The following DSCAM variants were observed in gnomAD, a reference collection of about 807,000 sequenced individuals.
DSCAM encodes cell adhesion molecule DSCAM.
Under a neutral mutation model 217.7 loss-of-function variants are expected in DSCAM, and 47 were observed. That is an observed-to-expected ratio of 0.22 (90% confidence interval 0.17 to 0.28). DSCAM has a LOEUF of 0.28. Ranked by LOEUF, DSCAM falls within the 10% of genes least tolerant of loss-of-function variation. The probability of loss-of-function intolerance (pLI) is 1.00; values close to 1 mark genes in which losing one functional copy is unlikely to be tolerated. For missense variants in DSCAM, 2,080 were observed against 2,618.3 expected (o/e 0.79, Z 4.49); for synonymous variants, 1,056 against 1,015.3 (o/e 1.04, Z -0.76).
chr21:40,691,898 G>C (rs114934731), intron 3 of DSCAM, among the ~76,000 whole-genome samples: 2 of 152,150 alleles, frequency 1.3e-5, no homozygotes, highest in South Asian at 4.1e-4. Flanking sequence ...AAACAAAAAC[G>C]GTGTGTCACC....
intron 3 of DSCAM, among the ~76,000 whole-genome samples, chr21:40,637,605 A>AG (rs1491146786): frequency 1.2e-4 from 5 of 41,616 alleles, no homozygotes; most frequent in Admixed American, 5.3e-4. Flanking sequence ...ATATATATAT[A>AG]AATATATATA....
intron 28 of DSCAM, among the ~76,000 whole-genome samples, chr21:40,061,441 C>T (rs1027181881): frequency 1.4e-4 from 21 of 151,716 alleles, no homozygotes; most frequent in African/African-American, 4.1e-4. Context: ...TGGTGGCGGG[C>T]GCCTGTAATC....
chr21:40,180,658 C>A (rs1245784745), intron 14 of DSCAM, among the ~76,000 whole-genome samples: 3 of 152,094 alleles, frequency 2.0e-5, no homozygotes, highest in Non-Finnish European at 4.4e-5. Context: ...TGCTAAGTAG[C>A]CCCTGGAGGA....
intron 3 of DSCAM, among the ~76,000 whole-genome samples, chr21:40,637,632 A>G (rs796634577): frequency 9.5e-5 from 4 of 42,230 alleles, no homozygotes; most frequent in African/African-American, 3.8e-4. Flanking sequence ...TACATATATA[A>G]ATATATATAA....
At chr21:40,492,761 C>T (rs996501880) in intron 3 of DSCAM, among the ~76,000 whole-genome samples, 1 of 151,902 alleles carries the variant, frequency 6.6e-6, no homozygotes, top group African/African-American at 2.4e-5. Context: ...CAAATCTTTG[C>T]ATTACAGGAG....
intron 3 of DSCAM, among the ~76,000 whole-genome samples, chr21:40,551,536 C>T (rs1166047645): frequency 6.6e-6 from 1 of 152,166 alleles, no homozygotes; most frequent in Non-Finnish European, 1.5e-5. Flanking sequence ...CTCTGTTAAT[C>T]TCTTCAGGAT....
intron 32 of DSCAM, among the ~76,000 whole-genome samples, chr21:40,015,696 C>G (rs1342946908): frequency 1.3e-5 from 2 of 152,208 alleles, no homozygotes. Flanking sequence ...CTCAGCTTCT[C>G]AAAGCACTGG....
rs555621146 is a variant in DSCAM, at chr21:40,697,750, T to G, written c.362-4794A>C. Among the ~76,000 whole-genome samples, 5 of 152,368 alleles carry G rather than the reference T, an allele frequency of 3.3e-5. No individual in the cohort carries two copies. The South Asian group carries it at 1.0e-3, about 32-fold the overall frequency. Reference sequence around the variant, plus strand: ...ATGCCAGTACTACACCTGTGTTGTATTCTTTGAAATTAGACTGTGTGATAC... The same window carrying G: ...ATGCCAGTACTACACCTGTGTTGTAGTCTTTGAAATTAGACTGTGTGATAC... On this transcript the variant is annotated intron_variant, in intron 2 of 32. Transcript: ENST00000400454.
At chr21:40,164,527 G>C (rs1302908766) in intron 16 of DSCAM, among the ~76,000 whole-genome samples, 1 of 152,182 alleles carries the variant, frequency 6.6e-6, no homozygotes, top group Non-Finnish European at 1.5e-5. Flanking sequence ...GCCAGGTGTG[G>C]TAGCTCACGC....
chr21:40,139,866 ATG>A (rs902009833), intron 18 of DSCAM, among the ~76,000 whole-genome samples: 2 of 135,378 alleles, frequency 1.5e-5, no homozygotes, highest in Non-Finnish European at 3.2e-5. Flanking sequence ...GGGTGTGTGT[ATG>A]TGTGTTGTGT....
intron 3 of DSCAM, among the ~76,000 whole-genome samples, chr21:40,427,618 A>C (rs990290531): frequency 1.3e-5 from 2 of 152,216 alleles, no homozygotes; most frequent in Non-Finnish European, 2.9e-5. Context: ...CCCACTTTGC[A>C]GCACTTTATG....
chr21:40,556,473 A>G (rs1444536513), intron 3 of DSCAM, among the ~76,000 whole-genome samples: 1 of 152,220 alleles, frequency 6.6e-6, no homozygotes, highest in Admixed American at 6.5e-5. Flanking sequence ...TTGTATTGCT[A>G]TGACAGTATA....
chr21:40,638,583 CG>C (rs2089837681), intron 3 of DSCAM, among the ~76,000 whole-genome samples: 1 of 152,136 alleles, frequency 6.6e-6, no homozygotes, highest in Non-Finnish European at 1.5e-5. Context: ...TAATTCAGAT[CG>C]TTTCCTCTGC....
chr21:40,190,208 C>T (rs959180838), intron 11 of DSCAM, among the ~76,000 whole-genome samples: 1 of 152,146 alleles, frequency 6.6e-6, no homozygotes, highest in African/African-American at 2.4e-5. Context: ...AAGTCTAATA[C>T]ATAGACTTCT....
intron 4 of DSCAM, among the ~76,000 whole-genome samples, chr21:40,356,052 CTT>C (rs1433154201): frequency 1.3e-5 from 2 of 152,042 alleles, no homozygotes; most frequent in African/African-American, 2.4e-5. Flanking sequence ...TATATCAACA[CTT>C]AAGTTTTTTT....
At chr21:40,519,462 C>T (rs560408934) in intron 3 of DSCAM, among the ~76,000 whole-genome samples, 1 of 152,276 alleles carries the variant, frequency 6.6e-6, no homozygotes, top group South Asian at 2.1e-4. Context: ...GTATTGTGCA[C>T]TCTTAAAAGA....
chr21:40,028,696 C>G (rs771468053), intron 32 of DSCAM, among the ~76,000 whole-genome samples: 113 of 152,328 alleles, frequency 7.4e-4, no homozygotes, highest in Non-Finnish European at 1.4e-3. Context: ...CAATGCCTCG[C>G]TCTGCTTCGG....
intron 1 of DSCAM, among the ~76,000 whole-genome samples, chr21:40,795,189 G>T (rs893826134): frequency 1.3e-5 from 2 of 152,122 alleles, no homozygotes; most frequent in Non-Finnish European, 2.9e-5. Context: ...GTCCACAATT[G>T]CCTGGACTGA....
At chr21:40,612,850 C>T (rs1349314279) in intron 3 of DSCAM, among the ~76,000 whole-genome samples, 2 of 152,126 alleles carry the variant, frequency 1.3e-5, no homozygotes, top group Non-Finnish European at 2.9e-5. Flanking sequence ...CCCTGAAAAC[C>T]CTCCCTGTCT....
Sources: gnomAD v4.1 joint callset for allele counts (sites outside exome capture counted in the v4.1 genomes callset) on GRCh38, gnomAD v4.1.1 for gene constraint, MANE v1.5 for transcripts, NCBI Gene and HGNC (gene_info 2026-07-23, HGNC 2026-07-21) for gene names.